RAPGEF4: variants seen among roughly 807,000 people sequenced by gnomAD.
RAPGEF4 encodes the protein Rap guanine nucleotide exchange factor 4.
A neutral mutation model predicts 147.9 loss-of-function variants in RAPGEF4; 66 were observed. The ratio of observed to expected loss-of-function variants is 0.45; its 90% confidence interval spans 0.37 to 0.55. RAPGEF4 has a LOEUF of 0.55. RAPGEF4 is among the 20% of genes least tolerant of loss of function. The pLI, the probability that RAPGEF4 is intolerant of heterozygous loss-of-function variation, is 0.00. For missense variants in RAPGEF4, 1,071 were observed against 1,257.3 expected, an observed-to-expected ratio of 0.85 and a Z score of 2.24; for synonymous variants, 419 against 442.7, an observed-to-expected ratio of 0.95 and a Z score of 0.67.
intron 6 of RAPGEF4, among the ~76,000 whole-genome samples, chr2:172,947,522 G>A (rs763612056): frequency 4.0e-5 from 6 of 151,494 alleles, no homozygotes; most frequent in African/African-American, 1.2e-4. Context: ...TGTGGAGGTC[G>A]GTGGTGGTAA....
chr2:172,874,893 T>A (rs1169689093), intron 4 of RAPGEF4, among the ~76,000 whole-genome samples: 1 of 152,202 alleles, frequency 6.6e-6, no homozygotes, highest in Non-Finnish European at 1.5e-5. Flanking sequence ...TTTCTCCACA[T>A]CCTCTCCAGC....
intron 1 of RAPGEF4, among the ~76,000 whole-genome samples, chr2:172,764,857 A>T (rs1328342686): frequency 2.0e-5 from 3 of 152,142 alleles, no homozygotes; most frequent in African/African-American, 7.2e-5. Context: ...TCAGAGTTGG[A>T]GCCAGCACTG....
intron 1 of RAPGEF4, among the ~76,000 whole-genome samples, chr2:172,767,390 G>T (rs1232594784): frequency 6.6e-6 from 1 of 152,056 alleles, no homozygotes; most frequent in Non-Finnish European, 1.5e-5. Context: ...TGTTGGTCAG[G>T]CTGGTCTCGA....
intron 6 of RAPGEF4, among the ~76,000 whole-genome samples, chr2:172,952,757 T>C (rs1239031318): frequency 1.3e-5 from 2 of 152,208 alleles, no homozygotes; most frequent in East Asian, 3.8e-4. Flanking sequence ...CTAACAGATA[T>C]AGATATACCT....
At chr2:172,875,871 C>A (rs1307973856) in intron 4 of RAPGEF4, among the ~76,000 whole-genome samples, 1 of 152,192 alleles carries the variant, frequency 6.6e-6, no homozygotes, top group Non-Finnish European at 1.5e-5. Flanking sequence ...TTCTTCCTAT[C>A]CATGAGCATG....
At chr2:172,737,077 A>G (rs7604177) in intron 1 of RAPGEF4, among the ~76,000 whole-genome samples, 20,198 of 152,230 alleles carry the variant, frequency 0.13, 1,449 homozygotes, top group Non-Finnish European at 0.14. Context: ...ATACTCTATT[A>G]TAGGCCTTTG....
chr2:172,916,472 A>C (rs1684081115), intron 4 of RAPGEF4, among the ~76,000 whole-genome samples: 1 of 152,178 alleles, frequency 6.6e-6, no homozygotes, highest in African/African-American at 2.4e-5. Flanking sequence ...ATGCTGTCTC[A>C]TGAAGAAGAA....
At chr2:172,881,388 T>C (rs192519211) in intron 4 of RAPGEF4, among the ~76,000 whole-genome samples, 10 of 152,350 alleles carry the variant, frequency 6.6e-5, no homozygotes, top group Non-Finnish European at 1.5e-4. Flanking sequence ...AATTTCCACA[T>C]TGGTTGAATT....
chr2:172,954,871 G>A (rs1003606707), intron 6 of RAPGEF4, among the ~76,000 whole-genome samples: 1 of 152,190 alleles, frequency 6.6e-6, no homozygotes, highest in Non-Finnish European at 1.5e-5. Flanking sequence ...ATATTATCTT[G>A]TAATTGTTTA....
At chr2:172,870,440 GA>G (rs1325521407) in intron 4 of RAPGEF4, among the ~76,000 whole-genome samples, 1 of 152,038 alleles carries the variant, frequency 6.6e-6, no homozygotes, top group Non-Finnish European at 1.5e-5. Context: ...ATGAGAGAGG[GA>G]AAAAATGCCA....
intron 17 of RAPGEF4, among the ~76,000 whole-genome samples, chr2:173,004,369 C>G (rs1694238849): frequency 6.6e-6 from 1 of 152,096 alleles, no homozygotes; most frequent in Non-Finnish European, 1.5e-5. Context: ...GTTCTTTAAT[C>G]CTTTTTTAAA....
At chr2:172,902,452 C>T (rs1228418538) in intron 4 of RAPGEF4, among the ~76,000 whole-genome samples, 1 of 151,942 alleles carries the variant, frequency 6.6e-6, no homozygotes, top group Non-Finnish European at 1.5e-5. Context: ...ACAGGCATGC[C>T]CCACTACAGT....
At chr2:172,951,504 C>G (rs1179987387) in intron 6 of RAPGEF4, among the ~76,000 whole-genome samples, 3 of 152,108 alleles carry the variant, frequency 2.0e-5, no homozygotes, top group Non-Finnish European at 4.4e-5. Flanking sequence ...ACATGAATAT[C>G]CAGTGTGATA....
chr2:172,837,495 C>A (rs1180839117), intron 4 of RAPGEF4, among the ~76,000 whole-genome samples: 1 of 152,138 alleles, frequency 6.6e-6, no homozygotes, highest in Non-Finnish European at 1.5e-5. Context: ...AACCAGCCAA[C>A]CAACAAACCA....
At chr2:173,016,807 C>T (rs989966610) in intron 19 of RAPGEF4, among the ~76,000 whole-genome samples, 9 of 152,156 alleles carry the variant, frequency 5.9e-5, no homozygotes, top group African/African-American at 2.2e-4. Flanking sequence ...TAACTGCTGC[C>T]AAAGCTGTTG....
At position 173,027,041 on chromosome 2, in the gene RAPGEF4, T is replaced by TA. The variant is rs375577503; in HGVS notation, c.2380-31dup. The TA allele has an allele frequency of 1.7e-3, 2,494 of 1,477,986 alleles. 2 individuals are homozygous for TA. The highest frequency in any genetic ancestry group is 5.6e-3 in the Middle Eastern group (31 of 5,582). The allele number at this position is 1,477,986 out of a possible 1,614,324, so 91.6% of individuals were successfully genotyped here. ...AGAGAAACCTGCTGGTGTTTTGATT[T>TA]AAAAAAAAATAAGCAAAATTGTTTT... is the stretch of plus-strand genomic sequence containing the variant. On this transcript the variant is annotated intron_variant, in intron 24 of 30. Coordinates refer to ENST00000397081, the MANE Select transcript of RAPGEF4 (RefSeq NM_007023.4).
intron 18 of RAPGEF4, among the ~76,000 whole-genome samples, chr2:173,015,194 T>C (rs1695396820): frequency 1.3e-5 from 2 of 152,148 alleles, no homozygotes; most frequent in South Asian, 4.1e-4. Context: ...GTGGAGCAGA[T>C]CATTTATTTA....
At chr2:173,029,323 A>G (rs1696956649) in intron 25 of RAPGEF4, among the ~76,000 whole-genome samples, 1 of 152,240 alleles carries the variant, frequency 6.6e-6, no homozygotes, top group Non-Finnish European at 1.5e-5. Context: ...CGATAACCAT[A>G]TTGATTCAGG....
intron 29 of RAPGEF4, among the ~76,000 whole-genome samples, chr2:173,039,677 T>A (rs144563361): frequency 6.6e-6 from 1 of 152,298 alleles, no homozygotes; most frequent in Non-Finnish European, 1.5e-5. Context: ...ACTTGCCTCA[T>A]ATTTTGTTGC....
Sources: gnomAD v4.1 joint callset for allele counts (sites outside exome capture counted in the v4.1 genomes callset) on GRCh38, gnomAD v4.1.1 for gene constraint, MANE v1.5 for transcripts, NCBI Gene and HGNC (gene_info 2026-07-23, HGNC 2026-07-21) for gene names.